The following SVIL variants were observed in gnomAD, a reference collection of about 807,000 sequenced individuals.
The protein encoded by SVIL is supervillin.
Under a neutral mutation model 240.4 loss-of-function variants are expected in SVIL, and 101 were observed. The observed-to-expected ratio is 0.42, with a 90% CI of 0.36 to 0.50. The LOEUF is 0.50. Ranked by LOEUF, SVIL falls within the 20% of genes least tolerant of loss-of-function variation. The pLI is 0.01. For missense variants in SVIL, 2,512 were observed against 2,818.7 expected, an observed-to-expected ratio of 0.89 and a Z score of 2.46; for synonymous variants, 999 against 1,100.0, an observed-to-expected ratio of 0.91 and a Z score of 1.82.
intron 1 of SVIL, among the ~76,000 whole-genome samples, chr10:29,625,600 A>G (rs1481254054): frequency 1.3e-5 from 2 of 152,092 alleles, no homozygotes; most frequent in Non-Finnish European, 2.9e-5. Context: ...AGTAGCTGGG[A>G]CTACAGGTGC....
At chr10:29,606,965 G>T (rs1030395799) in intron 1 of SVIL, among the ~76,000 whole-genome samples, 2 of 152,140 alleles carry the variant, frequency 1.3e-5, no homozygotes, top group Admixed American at 6.5e-5. Context: ...ACGCTGGCCA[G>T]GCTGGCCTCA....
At chr10:29,637,999 C>T (rs1564726587), upstream of SVIL, among the ~76,000 whole-genome samples, 1 of 152,142 alleles carries the variant, frequency 6.6e-6, no homozygotes, top group African/African-American at 2.4e-5. Flanking sequence ...TGAGAGACCC[C>T]TGTTCTGGAA....
At chr10:29,631,689 C>T (rs990089669) in intron 1 of SVIL, among the ~76,000 whole-genome samples, 2 of 152,174 alleles carry the variant, frequency 1.3e-5, no homozygotes, top group African/African-American at 4.8e-5. Flanking sequence ...GCAGGAGAAT[C>T]CCTTGAACCC....
intron 1 of SVIL, among the ~76,000 whole-genome samples, chr10:29,702,771 C>T (rs963056222): frequency 2.6e-5 from 4 of 152,184 alleles, no homozygotes; most frequent in Non-Finnish European, 4.4e-5. Flanking sequence ...CCTGTCCCCA[C>T]GCAGCTGTTC....
intron 3 of SVIL, among the ~76,000 whole-genome samples, chr10:29,558,170 C>T (rs1404797606): frequency 6.6e-6 from 1 of 152,204 alleles, no homozygotes; most frequent in South Asian, 2.1e-4. Context: ...TAGCCCAGCA[C>T]TGCACTCTTT....
At chr10:29,536,851 C>T (rs1322821133) in intron 6 of SVIL, among the ~76,000 whole-genome samples, 4 of 138,728 alleles carry the variant, frequency 2.9e-5, no homozygotes, top group Admixed American at 8.3e-5. Flanking sequence ...GTGGAGGTTG[C>T]AGTGAGCCGA....
chr10:29,533,391 A>G lies in SVIL; in HGVS notation c.976T>C (p.Ser326Pro). ...GGCTGGTGTCTCCTCTGAGTTACGG[A>G]CTCTGAGGCGAGTTCAGGGCTGTTT... Reference protein sequence around the residue: ...ARNSPELASESVTQRRHQPAP... With the variant: ...ARNSPELASEPVTQRRHQPAP... Residue 326 changes from serine (S) to proline (P), a missense_variant, in exon 8 of 38, where the codon TCC becomes CCC. By Grantham distance (74) the Ser-to-Pro change is moderately conservative. Transcript: ENST00000355867. The G allele has an allele frequency of 6.2e-7, 1 of 1,613,762 alleles. No individual in the cohort carries two copies. The highest frequency in any genetic ancestry group is 1.3e-5 in the African/African-American group (1 of 74,870).
Position 29,530,628 on chromosome 10 carries a change from G to T in SVIL, c.2085C>A (p.Ala695=). The change falls in exon 11 of 38, where the codon GCC becomes GCA. Residue 695 remains alanine, a synonymous_variant. Transcript: ENST00000355867. ...KVDERAKLSV[A]AKRLLFREME... is the part of the protein sequence containing the mutation. The stretch of plus-strand genomic sequence containing the variant: ...TTACCCTGAAAAGCAACCTCTTGGC[G>T]GCGACGCTCAGCTTGGCTCGTTCAT... 6.2e-7 allele frequency: 1 copy of T among 1,614,094 alleles called. No homozygotes were observed. Among genetic ancestry groups the T allele is most frequent in the Non-Finnish European group, 8.5e-7 (1 of 1,180,010 alleles).
chr10:29,610,932 C>T (rs747066599), intron 1 of SVIL, among the ~76,000 whole-genome samples: 13 of 152,208 alleles, frequency 8.5e-5, no homozygotes, highest in Non-Finnish European at 1.6e-4. Context: ...GGAGGCTCTT[C>T]GCTACCCAAA....
intron 6 of SVIL, among the ~76,000 whole-genome samples, chr10:29,546,709 GGA>G (rs1403466186): frequency 5.9e-5 from 9 of 152,082 alleles, no homozygotes; most frequent in African/African-American, 1.9e-4. Context: ...TGAATATTTA[GGA>G]CACTATTGGT....
chr10:29,491,376 C>T (rs1212123678), intron 21 of SVIL, among the ~76,000 whole-genome samples: 3 of 152,120 alleles, frequency 2.0e-5, no homozygotes, highest in Non-Finnish European at 4.4e-5. Context: ...CTAATTCTCG[C>T]TTTGGAATCA....
intron 16 of SVIL, among the ~76,000 whole-genome samples, chr10:29,521,538 G>A (rs1047743571): frequency 6.6e-6 from 1 of 152,032 alleles, no homozygotes; most frequent in African/African-American, 2.4e-5. Flanking sequence ...TTTATGTGGT[G>A]CATGAGAAAT....
chr10:29,517,006 T>C (rs1004987024), intron 16 of SVIL, among the ~76,000 whole-genome samples: 12 of 152,198 alleles, frequency 7.9e-5, no homozygotes, highest in African/African-American at 2.9e-4. Context: ...AGATCTCTGA[T>C]AGGGATGAAC....
In SVIL at chr10:29,526,990, A is replaced by G. The variant is rs1457355588; in HGVS notation, c.2313T>C (p.Thr771=). 1.2e-6 allele frequency: 2 copies of G among 1,610,912 alleles called. No individual in the cohort carries two copies. The highest frequency in any genetic ancestry group is 1.7e-6 in the Non-Finnish European group (2 of 1,178,894). The change falls in exon 13 of 38, where the codon ACT becomes ACC. Residue 771 remains threonine, a synonymous_variant. Transcript: ENST00000355867. ...HPVMARLPSP[T]VARSAVQPAR... is the part of the protein sequence containing the mutation. Reference sequence around the variant, plus strand: ...CAGGCTGCACAGCGCTCCTAGCTACAGTGGGGCTAGGAAGTCTCGCCATTA... The same window carrying G: ...CAGGCTGCACAGCGCTCCTAGCTACGGTGGGGCTAGGAAGTCTCGCCATTA...
intron 18 of SVIL, among the ~76,000 whole-genome samples, chr10:29,495,825 C>A (rs561791064): frequency 5.9e-5 from 9 of 151,902 alleles, no homozygotes; most frequent in African/African-American, 2.2e-4. Flanking sequence ...GTGAGAGACA[C>A]ATGAAAGGGA....
At chr10:29,532,384 G>C in intron 8 of SVIL, 145 bp downstream of exon 8, 1 of 1,382,994 alleles carries the variant, frequency 7.2e-7, no homozygotes, top group Non-Finnish European at 9.6e-7. Context: ...TAGTTTTTGA[G>C]CCATTTTCCG....
chr10:29,651,860 A>ATCT (rs1206861415), intron 3 of SVIL, among the ~76,000 whole-genome samples: 4 of 152,152 alleles, frequency 2.6e-5, no homozygotes. Context: ...AGCAAAAAGA[A>ATCT]ACCCTCCTAA....
At chr10:29,710,598 G>A (rs1240974667) in intron 1 of SVIL, among the ~76,000 whole-genome samples, 1 of 152,098 alleles carries the variant, frequency 6.6e-6, no homozygotes, top group African/African-American at 2.4e-5. Context: ...GAGGAATAAA[G>A]AGAAAGAAAC....
chr10:29,587,505 A>C (rs1359593910), intron 1 of SVIL, among the ~76,000 whole-genome samples: 1 of 152,232 alleles, frequency 6.6e-6, no homozygotes, highest in African/African-American at 2.4e-5. Flanking sequence ...AAACTCTTCC[A>C]AGGCCGCACT....
Sources: gnomAD v4.1 joint callset for allele counts (sites outside exome capture counted in the v4.1 genomes callset) on GRCh38, gnomAD v4.1.1 for gene constraint, MANE v1.5 for transcripts, NCBI Gene and HGNC (gene_info 2026-07-23, HGNC 2026-07-21) for gene names.